AGBL1: variants seen among roughly 807,000 people sequenced by gnomAD.
AGBL1 encodes cytosolic carboxypeptidase 4.
A neutral mutation model predicts 118.9 loss-of-function variants in AGBL1; 130 were observed. That is an observed-to-expected ratio of 1.09 (90% CI 0.95 to 1.26). The LOEUF (loss-of-function observed/expected upper bound fraction) is 1.26, where lower values mean the gene tolerates loss of function less well. Among genes scored for constraint, AGBL1 ranks in the 50% most tolerant of loss-of-function variants. The pLI is 0.00. For synonymous variants in AGBL1, 555 were observed against 478.9 expected (o/e 1.16, Z -2.08); for missense variants, 1,584 against 1,298.1 (o/e 1.22, Z -3.38).
intron 1 of AGBL1, among the ~76,000 whole-genome samples, chr15:86,123,105 AT>A (rs1427456103): frequency 3.9e-5 from 6 of 152,328 alleles, no homozygotes; most frequent in African/African-American, 1.4e-4. Flanking sequence ...TCCTTTCTAG[AT>A]CTTTTCCCTG....
intron 19 of AGBL1, among the ~76,000 whole-genome samples, chr15:86,540,405 G>A (rs965409671): frequency 2.6e-5 from 4 of 152,104 alleles, no homozygotes; most frequent in African/African-American, 9.7e-5. Flanking sequence ...ACCAGCCTGA[G>A]CAACATGGCA....
In AGBL1 at chr15:86,811,555, C is replaced by T. The variant is rs369920547; in HGVS notation, c.3159-95532C>T. 4.5e-4 allele frequency among the ~76,000 whole-genome samples: 68 copies of T among 152,246 alleles called. 1 individual carries two copies. In the South Asian group the frequency reaches 0.011, roughly 25 times the overall value. ...TCTCTTCCTGGCCCTGTGTAAAGAG[C>T]TCTCCCAACTCCCCTCTGTTTTATT... On this transcript the variant is annotated intron_variant, in intron 22 of 22. Transcript: ENST00000614907.
intron 24 of AGBL1, among the ~76,000 whole-genome samples, chr15:87,023,967 C>T (rs1019846907): frequency 2.0e-5 from 3 of 151,922 alleles, no homozygotes; most frequent in African/African-American, 7.2e-5. Flanking sequence ...ATCAAAACCT[C>T]TGAGACACAA....
At chr15:86,170,181 C>A (rs2077395061) in intron 5 of AGBL1, among the ~76,000 whole-genome samples, 1 of 151,928 alleles carries the variant, frequency 6.6e-6, no homozygotes. Flanking sequence ...TAAGAAAAAC[C>A]CAAATTGAAC....
intron 18 of AGBL1, among the ~76,000 whole-genome samples, chr15:86,418,806 C>A (rs1015595176): frequency 6.6e-6 from 1 of 152,086 alleles, no homozygotes; most frequent in African/African-American, 2.4e-5. Flanking sequence ...CAGAATAGAT[C>A]ATTCATCATG....
chr15:86,926,410 A>T (rs2080540327), intron 23 of AGBL1, among the ~76,000 whole-genome samples: 1 of 152,194 alleles, frequency 6.6e-6, no homozygotes, highest in East Asian at 1.9e-4. Context: ...ATGACTTTCC[A>T]ATAGCTTAGT....
chr15:86,401,790 T>A (rs2081449466), intron 18 of AGBL1, among the ~76,000 whole-genome samples: 1 of 152,190 alleles, frequency 6.6e-6, no homozygotes, highest in African/African-American at 2.4e-5. Flanking sequence ...GATATTCTAT[T>A]TTGTTCCATT....
chr15:86,903,821 A>C (rs1596615012), intron 22 of AGBL1, among the ~76,000 whole-genome samples: 2 of 152,150 alleles, frequency 1.3e-5, no homozygotes, highest in Admixed American at 1.3e-4. Flanking sequence ...TGGCCAGAAG[A>C]AGCAGCAGTT....
intron 18 of AGBL1, among the ~76,000 whole-genome samples, chr15:86,521,442 G>A (rs775049900): frequency 3.9e-5 from 6 of 152,098 alleles, no homozygotes; most frequent in Non-Finnish European, 5.9e-5. Flanking sequence ...CTGCCCCCAG[G>A]AGGCTCCTAG....
rs1567106149 is a variant in AGBL1 at position 86,176,450 on chromosome 15, C to T, written c.488+17424C>T. Among the ~76,000 whole-genome samples the T allele has an allele frequency of 3.9e-5, 6 of 152,152 alleles. No individual in the cohort carries two copies. In the South Asian group the frequency reaches 1.0e-3, roughly 26 times the overall value. On this transcript the variant is annotated intron_variant, in intron 5 of 22. Transcript: ENST00000614907. Reference sequence around the variant, plus strand: ...TGGCAGCAGCCCCAGTCAGGTGGCTCTCAGGTTCCGGGGAGTGCATGCTTC... The same window carrying T: ...TGGCAGCAGCCCCAGTCAGGTGGCTTTCAGGTTCCGGGGAGTGCATGCTTC...
chr15:86,882,302 C>T (rs1435730866), intron 22 of AGBL1, among the ~76,000 whole-genome samples: 3 of 152,062 alleles, frequency 2.0e-5, no homozygotes, highest in Non-Finnish European at 2.9e-5. Context: ...GCTGGGTAAC[C>T]AACAGTGAAG....
At chr15:86,725,441 A>C (rs1474036108) in intron 22 of AGBL1, among the ~76,000 whole-genome samples, 1 of 152,218 alleles carries the variant, frequency 6.6e-6, no homozygotes, top group Non-Finnish European at 1.5e-5. Context: ...AGGTCAGTTT[A>C]GCAGAGCATG....
chr15:86,759,486 G>C (rs1002606867), intron 22 of AGBL1, among the ~76,000 whole-genome samples: 1 of 152,114 alleles, frequency 6.6e-6, no homozygotes, highest in Non-Finnish European at 1.5e-5. Flanking sequence ...CATCAAGGAA[G>C]TGCCCCCAAA....
chr15:86,143,276 AG>A (rs56963262), intron 2 of AGBL1, among the ~76,000 whole-genome samples: 15,413 of 152,166 alleles, frequency 0.1, 1,068 homozygotes, highest in East Asian at 0.23. Flanking sequence ...CAATGATTCC[AG>A]ATTAGGCCAT....
chr15:86,427,686 A>G (rs2081883967), intron 18 of AGBL1, among the ~76,000 whole-genome samples: 1 of 152,192 alleles, frequency 6.6e-6, no homozygotes, highest in Non-Finnish European at 1.5e-5. Flanking sequence ...ATTTAATAGT[A>G]TACCAGTTTA....
At position 86,165,536 on chromosome 15, in the gene AGBL1, C is replaced by G. The variant is rs571958474; in HGVS notation, c.488+6510C>G. ...GATCATGAGTGAGTGGGTGACTCAG[C>G]TACTCTTCACTGAGACAATGGAGAT... On this transcript the variant is annotated intron_variant, in intron 5 of 22. Transcript: ENST00000614907. Among the ~76,000 whole-genome samples, 21 of 152,210 alleles carry G rather than the reference C, an allele frequency of 1.4e-4. No individual in the cohort carries two copies. The South Asian group carries it at 3.7e-3, about 27-fold the overall frequency.
At chr15:86,591,043 TAA>T (rs1161960537) in intron 21 of AGBL1, among the ~76,000 whole-genome samples, 3 of 152,214 alleles carry the variant, frequency 2.0e-5, no homozygotes, top group African/African-American at 7.2e-5. Context: ...GATTCCACTT[TAA>T]GTTTAGTTCG....
At chr15:86,657,465 G>T (rs1173494648) in intron 21 of AGBL1, among the ~76,000 whole-genome samples, 1 of 152,146 alleles carries the variant, frequency 6.6e-6, no homozygotes, top group Non-Finnish European at 1.5e-5. Flanking sequence ...GCTATTAGAT[G>T]CAGAAAATAC....
At chr15:86,739,075 G>A (rs896188245) in intron 22 of AGBL1, among the ~76,000 whole-genome samples, 7 of 152,172 alleles carry the variant, frequency 4.6e-5, no homozygotes, top group African/African-American at 1.7e-4. Context: ...GAGCCTGGGA[G>A]GTTGATGCTG....
Sources: allele counts gnomAD v4.1 joint callset (sites outside exome capture counted in the v4.1 genomes callset), GRCh38; gene constraint gnomAD v4.1.1; transcripts MANE v1.5; gene names NCBI Gene and HGNC (gene_info 2026-07-23, HGNC 2026-07-21).